Variants in BABAM1 observed in about 807,000 individuals in gnomAD.
BABAM1 encodes the protein BRISC and BRCA1 A complex member 1, also known as BRISC and BRCA1-A complex member 1.
Under a neutral mutation model 34.4 loss-of-function variants are expected in BABAM1, and 14 were observed. That is an observed-to-expected ratio of 0.41 (90% confidence interval 0.27 to 0.64). BABAM1 has a LOEUF of 0.64. Among genes scored for constraint, BABAM1 ranks in the 30% least tolerant of loss-of-function variants. The pLI is 0.34. For synonymous variants in BABAM1, 169 were observed against 165.8 expected (o/e 1.02, Z -0.15); for missense variants, 393 against 434.0 (o/e 0.91, Z 0.84).
At chr19:17,271,086 T>G (rs1014570656) in intron 2 of BABAM1, among the ~76,000 whole-genome samples, 16 of 151,828 alleles carry the variant, frequency 1.1e-4, no homozygotes, top group African/African-American at 3.6e-4. Flanking sequence ...CCTCCCGGGT[T>G]CAAGCAATTC....
intron 2 of BABAM1, among the ~76,000 whole-genome samples, chr19:17,269,362 T>G (rs996514596): frequency 4.0e-5 from 6 of 150,266 alleles, no homozygotes; most frequent in Non-Finnish European, 8.9e-5. Flanking sequence ...TTTTTTTTTT[T>G]TTTTTGAGAT....
chr19:17,275,950 C>G (rs1270280867), intron 6 of BABAM1, 125 bp downstream of exon 6: 5 of 1,055,900 alleles, frequency 4.7e-6, no homozygotes, highest in South Asian at 1.3e-5. Context: ...TACCTCGCCC[C>G]GAGCAATTCC....
chr19:17,273,492 A>G (rs1291783191), intron 3 of BABAM1, among the ~76,000 whole-genome samples: 3 of 150,376 alleles, frequency 2.0e-5, no homozygotes, highest in Non-Finnish European at 4.4e-5. Flanking sequence ...AGTATGACCT[A>G]TACCTCCAGG....
Position 17,273,612 on chromosome 19 carries a change from G to A in BABAM1, c.345-292G>A, listed in dbSNP as rs1226208884. Among the ~76,000 whole-genome samples, 3 of 134,280 alleles carry A rather than the reference G, an allele frequency of 2.2e-5. No homozygotes were observed. In the East Asian group the frequency reaches 6.8e-4, roughly 30 times the overall value. The allele number at this position is 134,280 out of a possible 152,430, so 88.1% of individuals were successfully genotyped here. ...AGAGTCTCACTCTGTCGCCCAGGCT[G>A]GACTGCAGTGGCGCGATCTCAGCTC... On this transcript the variant is annotated intron_variant, in intron 3 of 8. Coordinates refer to ENST00000598188, the MANE Select transcript of BABAM1 (RefSeq NM_014173.4).
At chr19:17,277,082 G>A in intron 8 of BABAM1, 173 bp downstream of exon 8, 1 of 628,294 alleles carries the variant, frequency 1.6e-6, no homozygotes, top group East Asian at 2.8e-5. Flanking sequence ...TGCTGTGACT[G>A]ATGGGGTGGC....
chr19:17,268,427 C>CTTTT (rs10715818), intron 1 of BABAM1: 4 of 129,198 alleles, frequency 3.1e-5, no homozygotes, highest in East Asian at 2.1e-4. Flanking sequence ...AGTAACCAAT[C>CTTTT]TTTTTTTTTT....
At chr19:17,278,129 G>A (rs35348255) in intron 8 of BABAM1, among the ~76,000 whole-genome samples, 26,570 of 148,764 alleles carry the variant, frequency 0.18, 2,442 homozygotes, top group African/African-American at 0.2. Flanking sequence ...AGCCGAGATC[G>A]TGCCGTTGCA....
chr19:17,278,354 G>A (rs1396537859), intron 8 of BABAM1, among the ~76,000 whole-genome samples: 1 of 149,496 alleles, frequency 6.7e-6, no homozygotes, highest in African/African-American at 2.5e-5. Context: ...TGTCGCCCAG[G>A]CTGGAGAGCA....
chr19:17,271,963 CAG>C (rs1032044448), intron 3 of BABAM1, among the ~76,000 whole-genome samples: 7 of 152,244 alleles, frequency 4.6e-5, no homozygotes, highest in African/African-American at 1.2e-4. Flanking sequence ...ATTTTTGAGA[CAG>C]GGTGTCGCTC....
chr19:17,270,524 C>CTTT (rs955870596), intron 2 of BABAM1, among the ~76,000 whole-genome samples: 31 of 125,884 alleles, frequency 2.5e-4, no homozygotes, highest in South Asian at 5.0e-4. Flanking sequence ...AGGTCACATT[C>CTTT]TTTTTTTTTT....
chr19:17,271,797 G>A, intron 3 of BABAM1, 142 bp downstream of exon 3: 1 of 905,368 alleles, frequency 1.1e-6, no homozygotes, highest in Non-Finnish European at 1.7e-6. Flanking sequence ...CAAGAGCCAG[G>A]TGCAGTGGCT....
intron 3 of BABAM1, 62 bp from the exon 4 acceptor site, chr19:17,273,842 C>G (rs113272353): frequency 3.3e-6 from 5 of 1,525,754 alleles, no homozygotes; most frequent in Non-Finnish European, 3.5e-6. Context: ...GAATTACAGG[C>G]GTGAGCCACT....
chr19:17,272,703 G>A (rs1393709273), intron 3 of BABAM1, among the ~76,000 whole-genome samples: 1 of 151,022 alleles, frequency 6.6e-6, no homozygotes, highest in East Asian at 2.1e-4. Context: ...ACCGCGCCCA[G>A]CCGACCCTGT....
chr19:17,272,695 C>T (rs903301346), intron 3 of BABAM1, among the ~76,000 whole-genome samples: 7 of 151,666 alleles, frequency 4.6e-5, no homozygotes, highest in East Asian at 2.0e-4. Flanking sequence ...TGTGAGCCAC[C>T]GCGCCCAGCC....
rs771715968 is a variant in BABAM1, at chr19:17,276,401, C to A, written c.570-94C>A. On this transcript the variant is annotated intron_variant, in intron 6 of 8. Coordinates refer to ENST00000598188, the MANE Select transcript of BABAM1 (RefSeq NM_014173.4). ...CTTGGGAGACATCAGTGGGGCCTCA[C>A]CTGCCCGGTGAGCATCTGGGGTCTC... is the stretch of plus-strand genomic sequence containing the variant. 5 of 1,537,396 alleles carry A rather than the reference C, an allele frequency of 3.3e-6. No homozygotes were observed. In the South Asian group the frequency reaches 6.0e-5, roughly 19 times the overall value.
chr19:17,277,362 A>C (rs1345856994), intron 8 of BABAM1: 4 of 160,418 alleles, frequency 2.5e-5, no homozygotes, highest in Non-Finnish European at 5.4e-5. Flanking sequence ...CCATCATACC[A>C]GGTTAATTTT....
chr19:17,268,956 G>T lies in BABAM1; in HGVS notation c.150G>T (p.Glu50Asp). Residue 50 changes from glutamate (E) to aspartate (D), a missense_variant, in exon 2 of 9, where the codon GAG becomes GAT. Coordinates refer to ENST00000598188, the MANE Select transcript of BABAM1 (RefSeq NM_014173.4). ...GAQASVGSRS[E>D]GEGEAASADD... The stretch of plus-strand genomic sequence containing the variant: ...AGGCCAGCGTGGGCAGCCGCAGCGA[G>T]GGTGAGGGTGAGGCCGCCAGTGCTG... 6.4e-7 allele frequency: 1 copy of T among 1,574,344 alleles called. No individual in the cohort carries two copies. The highest frequency in any genetic ancestry group is 2.3e-5 in the East Asian group (1 of 42,564).
At chr19:17,274,570 T>A (rs1482986920) in intron 5 of BABAM1, 6 of 170,940 alleles carry the variant, frequency 3.5e-5, no homozygotes, top group Admixed American at 6.3e-5. Flanking sequence ...TCCGTCTTTT[T>A]TAAAAAAAAA....
rs1327869665 is a variant in BABAM1, at chr19:17,273,896, C to T, written c.345-8C>T. On this transcript the variant is annotated splice_polypyrimidine_tract_variant and splice_region_variant and intron_variant, in intron 3 of 8. Transcript: ENST00000598188. ...ACCTTAATTCCCCTGTACTCTCTGC[C>T]TCCCCAGCTCCAAAACCAACGCCCT... The T allele has an allele frequency of 3.1e-6, 5 of 1,601,688 alleles. No individual in the cohort carries two copies. Among genetic ancestry groups the T allele is most frequent in the Non-Finnish European group, 4.3e-6 (5 of 1,174,320 alleles).
Sources: gnomAD v4.1 joint callset for allele counts (sites outside exome capture counted in the v4.1 genomes callset) on GRCh38, gnomAD v4.1.1 for gene constraint, MANE v1.5 for transcripts, NCBI Gene and HGNC (gene_info 2026-07-23, HGNC 2026-07-21) for gene names.